Variants in NBPF12 observed in about 807,000 individuals in gnomAD.
NBPF12 encodes the protein NBPF member 12, also known as NBPF family member NBPF12.
A neutral mutation model predicts 146.4 loss-of-function variants in NBPF12; 115 were observed. The ratio of observed to expected loss-of-function variants is 0.79; its 90% CI spans 0.68 to 0.92. NBPF12 has a LOEUF of 0.92. Ranked by LOEUF, NBPF12 falls within the 40% of genes least tolerant of loss-of-function variation. The probability of loss-of-function intolerance (pLI) is 0.00; values close to 1 mark genes in which losing one functional copy is unlikely to be tolerated. For missense variants in NBPF12, 1,205 were observed against 1,326.8 expected, an observed-to-expected ratio of 0.91 and a Z score of 1.43; for synonymous variants, 385 against 508.9, an observed-to-expected ratio of 0.76 and a Z score of 3.28.
chr1:146,963,917 A>C (rs1656023789), intron 6 of NBPF12, among the ~76,000 whole-genome samples: 1 of 141,442 alleles, frequency 7.1e-6, no homozygotes, highest in African/African-American at 2.8e-5. Flanking sequence ...AACACAGCAG[A>C]AGCCACATGG....
rs1413683537 is a variant in NBPF12 at position 146,973,784 on chromosome 1, A to T, written c.1801+824A>T. 1.7e-4 allele frequency among the ~76,000 whole-genome samples: 25 copies of T among 143,248 alleles called. 2 individuals are homozygous for T. The highest frequency in any genetic ancestry group is 6.3e-4 in the African/African-American group (23 of 36,790). 94.0% of individuals were successfully genotyped at this position (143,248 alleles called of 152,430 possible). ...GCCTGGGTGACAGGGCAAGACTGTT[A>T]AAAAAAAATAATAATGAGAAATAAA... On this transcript the variant is annotated intron_variant, in intron 14 of 33. Transcript: ENST00000617844.
At chr1:146,966,717 C>G in intron 9 of NBPF12, 44 bp downstream of exon 12, 4 of 1,067,316 alleles carry the variant, frequency 3.7e-6, no homozygotes, top group Admixed American at 1.7e-5. Context: ...TGAACAACGT[C>G]CTGTCTTCTC....
chr1:146,962,204 T>C (rs1161688059), exon 5 of NBPF12: 1 of 1,608,562 alleles, frequency 6.2e-7, no homozygotes. Context: ...TGCTGAGGAA[T>C]GAGCGACAGT....
chr1:146,978,547 C>A (rs1359046195), intron 18 of NBPF12, among the ~76,000 whole-genome samples: 1 of 151,544 alleles, frequency 6.6e-6, no homozygotes, highest in Non-Finnish European at 1.5e-5. Context: ...CTTTTTAAAG[C>A]AAGAGTTGTT....
At chr1:146,942,438 A>G (rs1654849005) in intron 1 of NBPF12, among the ~76,000 whole-genome samples, 1 of 151,818 alleles carries the variant, frequency 6.6e-6, no homozygotes, top group Admixed American at 6.6e-5. Context: ...CCTGGAAATT[A>G]GAGATTTTGT....
Position 146,951,440 on chromosome 1 carries a change from T to C in NBPF12, c.-233T>C. 1 of 676,518 alleles carries C rather than the reference T, an allele frequency of 1.5e-6. No individual in the cohort carries two copies. Among genetic ancestry groups the C allele is most frequent in the East Asian group, 2.7e-5 (1 of 37,048 alleles). The allele number at this position is 676,518 out of a possible 1,614,324, so 41.9% of individuals were successfully genotyped here. ...TTACTGGTTGGGAATCCAAAGTTAA[T>C]GCCAAGAAGCAGCTGCCAGTTGGGA... On this transcript the variant is annotated 5_prime_UTR_variant, in exon 2 of 34. It removes an upstream start codon present in the reference 5' UTR. Transcript: ENST00000617844.
At chr1:146,984,760 G>C in intron 21 of NBPF12, 53 bp from the exon 25 acceptor site, 8 of 838,952 alleles carry the variant, frequency 9.5e-6, no homozygotes, top group Non-Finnish European at 1.5e-5. Context: ...AGCTGGGGCT[G>C]TGTGGTTTCT....
rs1211027075 is a variant in NBPF12, at chr1:146,976,237, G to A, written c.2119+346G>A. 5.4e-3 allele frequency among the ~76,000 whole-genome samples: 814 copies of A among 151,808 alleles called. 1 individual carries two copies. Among genetic ancestry groups the A allele is most frequent in the African/African-American group, 0.019 (767 of 41,162 alleles). ...ATGAAGGTTCCCAGGCTGTCTTTTC[G>A]GCAATGTTCTTAGTAACTGTCGGTG... On this transcript the variant is annotated intron_variant, in intron 16 of 33. Transcript: ENST00000617844.
chr1:146,944,911 C>CTTTT (rs1654957306), upstream of NBPF12, among the ~76,000 whole-genome samples: 1 of 110,726 alleles, frequency 9.0e-6, no homozygotes, highest in Non-Finnish European at 1.8e-5. Flanking sequence ...TTCCTCCCTT[C>CTTTT]CTCCCTCCCT....
chr1:146,954,376 C>A, intron 2 of NBPF12, among the ~76,000 whole-genome samples: 1 of 65,892 alleles, frequency 1.5e-5, no homozygotes, highest in Non-Finnish European at 2.7e-5. Context: ...GGTAACAGAG[C>A]AAGACTCTGT....
At chr1:146,955,140 A>G (rs1287501726) in intron 2 of NBPF12, among the ~76,000 whole-genome samples, 1 of 89,126 alleles carries the variant, frequency 1.1e-5, no homozygotes, top group African/African-American at 4.1e-5. Context: ...GCATAGGAAA[A>G]GATGCTCCAC....
Position 146,974,909 on chromosome 1 carries a change from G to C in NBPF12, c.1904+68G>C. 11 of 914,160 alleles carry C rather than the reference G, an allele frequency of 1.2e-5. 2 individuals carry two copies. Among genetic ancestry groups the C allele is most frequent in the Non-Finnish European group, 1.6e-5 (10 of 610,656 alleles). The allele number at this position is 914,160 out of a possible 1,614,324, so 56.6% of individuals were successfully genotyped here. ...AATCTCTGAAGTACAGTAGCTCAGT[G>C]GGGAGACGTAAGAGCTAAGCTGGGC... is the stretch of plus-strand genomic sequence containing the variant. On this transcript the variant is annotated intron_variant, in intron 15 of 33. Coordinates refer to ENST00000617844, the Ensembl canonical transcript of NBPF12.
chr1:146,945,013 TCCC>T (rs1654976107), upstream of NBPF12, among the ~76,000 whole-genome samples: 2 of 38,626 alleles, frequency 5.2e-5, no homozygotes, highest in Non-Finnish European at 1.0e-4. Flanking sequence ...CCTTCCTTCC[TCCC>T]TCCCTCCCTT....
chr1:146,941,175 C>G (rs1459646720), intron 1 of NBPF12, among the ~76,000 whole-genome samples: 3 of 151,264 alleles, frequency 2.0e-5, no homozygotes, highest in Admixed American at 6.6e-5. Context: ...CCTCGACCTC[C>G]CAAGGCTCAG....
upstream of NBPF12, among the ~76,000 whole-genome samples, chr1:146,949,119 A>C (rs1655210958): frequency 1.3e-5 from 2 of 152,062 alleles, no homozygotes; most frequent in Admixed American, 6.5e-5. Flanking sequence ...TACTAAGGGA[A>C]CTCAGAGGCC....
At chr1:146,941,234 A>G (rs1429609343) in intron 1 of NBPF12, among the ~76,000 whole-genome samples, 1 of 151,206 alleles carries the variant, frequency 6.6e-6, no homozygotes, top group African/African-American at 2.4e-5. Context: ...ACAGGAGACC[A>G]CTACCATGCT....
upstream of NBPF12, among the ~76,000 whole-genome samples, chr1:146,944,396 G>C (rs1218711051): frequency 2.8e-5 from 4 of 144,012 alleles, no homozygotes; most frequent in East Asian, 8.3e-4. Flanking sequence ...CTGGGGGAGT[G>C]GGAGCCAGTG....
At chr1:146,963,370 C>T in intron 6 of NBPF12, 61 bp downstream of exon 9, 2 of 1,588,940 alleles carry the variant, frequency 1.3e-6, no homozygotes, top group South Asian at 1.1e-5. Context: ...CTCCAGACCT[C>T]CATACTTTCA....
chr1:146,945,742 A>G (rs1162997164), upstream of NBPF12, among the ~76,000 whole-genome samples: 7 of 152,204 alleles, frequency 4.6e-5, no homozygotes, highest in East Asian at 3.9e-4. Flanking sequence ...CTATTAGTAT[A>G]TTGTATTAGT....
Sources: allele counts gnomAD v4.1 joint callset (sites outside exome capture counted in the v4.1 genomes callset), GRCh38; gene constraint gnomAD v4.1.1; transcripts MANE v1.5; gene names NCBI Gene and HGNC (gene_info 2026-07-23, HGNC 2026-07-21).